CSMD1: variants seen among roughly 807,000 people sequenced by gnomAD.
The protein encoded by CSMD1 is CUB and Sushi multiple domains 1.
Under a neutral mutation model 417.5 loss-of-function variants are expected in CSMD1, and 213 were observed. That is an observed-to-expected ratio of 0.51 (90% confidence interval 0.46 to 0.57). The LOEUF (loss-of-function observed/expected upper bound fraction) is 0.57, where lower values mean the gene tolerates loss of function less well. Ranked by LOEUF, CSMD1 falls within the 20% of genes least tolerant of loss-of-function variation. The probability of loss-of-function intolerance (pLI) is 0.00; values close to 1 mark genes in which losing one functional copy is unlikely to be tolerated. For synonymous variants in CSMD1, 2,862 were observed against 1,736.8 expected (o/e 1.65, Z -16.11); for missense variants, 6,923 against 4,529.7 (o/e 1.53, Z -15.17).
intron 5 of CSMD1, among the ~76,000 whole-genome samples, chr8:3,801,511 T>A (rs1377735676): frequency 6.6e-6 from 1 of 152,160 alleles, no homozygotes; most frequent in African/African-American, 2.4e-5. Context: ...AACCCTCTCG[T>A]GTTGCTTGTC....
At chr8:4,283,249 G>C (rs1350170888) in intron 3 of CSMD1, among the ~76,000 whole-genome samples, 2 of 152,132 alleles carry the variant, frequency 1.3e-5, no homozygotes, top group Non-Finnish European at 1.5e-5. Flanking sequence ...TTTGCAAACA[G>C]TTTAGATGAA....
intron 3 of CSMD1, among the ~76,000 whole-genome samples, chr8:4,208,496 G>C (rs1800112599): frequency 6.6e-6 from 1 of 152,088 alleles, no homozygotes; most frequent in South Asian, 2.1e-4. Flanking sequence ...GCGTTCTGTA[G>C]TTTATTAATC....
chr8:3,302,786 G>C (rs1378862176), intron 25 of CSMD1, among the ~76,000 whole-genome samples: 1 of 152,180 alleles, frequency 6.6e-6, no homozygotes, highest in South Asian at 2.1e-4. Context: ...CTTTCTCACA[G>C]TTTATGTACC....
chr8:4,920,234 C>T (rs938750708), intron 1 of CSMD1, among the ~76,000 whole-genome samples: 1 of 152,148 alleles, frequency 6.6e-6, no homozygotes, highest in African/African-American at 2.4e-5. Context: ...CCCAAATCTA[C>T]TCAGACTTAT....
chr8:4,680,912 C>A (rs1157168738), intron 1 of CSMD1, among the ~76,000 whole-genome samples: 1 of 150,542 alleles, frequency 6.6e-6, no homozygotes, highest in African/African-American at 2.4e-5. Flanking sequence ...ATGATAAGCA[C>A]ACACACACAC....
chr8:4,795,252 C>CTTGTTTTTTTTT (rs1797912773), intron 1 of CSMD1, among the ~76,000 whole-genome samples: 1 of 46,226 alleles, frequency 2.2e-5, no homozygotes, highest in Non-Finnish European at 4.2e-5. Flanking sequence ...GGTGTCATAG[C>CTTGTTTTTTTTT]TTTTTTTTTT....
intron 7 of CSMD1, among the ~76,000 whole-genome samples, chr8:3,624,124 C>G (rs1796385924): frequency 6.6e-6 from 1 of 152,072 alleles, no homozygotes; most frequent in South Asian, 2.1e-4. Context: ...GCCTTCCTTT[C>G]ATAAAATTTA....
chr8:3,013,209 TG>T (rs1808538778), intron 52 of CSMD1, among the ~76,000 whole-genome samples: 1 of 152,218 alleles, frequency 6.6e-6, no homozygotes, highest in African/African-American at 2.4e-5. Context: ...GCATCAACCC[TG>T]GGCCTTGTCT....
At chr8:4,735,069 C>G (rs1166356350) in intron 1 of CSMD1, among the ~76,000 whole-genome samples, 1 of 152,214 alleles carries the variant, frequency 6.6e-6, no homozygotes, top group African/African-American at 2.4e-5. Context: ...AAGCAAATTG[C>G]TGCTCGTTAA....
intron 5 of CSMD1, among the ~76,000 whole-genome samples, chr8:3,811,514 G>A (rs553125338): frequency 6.6e-6 from 1 of 152,068 alleles, no homozygotes; most frequent in Non-Finnish European, 1.5e-5. Context: ...TAGCAGAGTT[G>A]TTCCCTGGTG....
At chr8:4,562,547 T>C (rs1798393375) in intron 2 of CSMD1, among the ~76,000 whole-genome samples, 2 of 152,170 alleles carry the variant, frequency 1.3e-5, no homozygotes, top group South Asian at 2.1e-4. Flanking sequence ...TAAATAAGTA[T>C]ACATGAAATG....
At position 4,764,286 on chromosome 8, in the gene CSMD1, G is replaced by T. The variant is rs79951196; in HGVS notation, c.86-126728C>A. On this transcript the variant is annotated intron_variant, in intron 1 of 69. Coordinates refer to ENST00000635120, the MANE Select transcript of CSMD1 (RefSeq NM_033225.6). The stretch of plus-strand genomic sequence containing the variant: ...TCTCTATAATATTGGGGGTAGAGGT[G>T]AGACTATCTTTTTGAAAACATATAG... Among the ~76,000 whole-genome samples the T allele has an allele frequency of 7.9e-5, 12 of 152,280 alleles. No individual in the cohort carries two copies. In the East Asian group the frequency reaches 2.1e-3, roughly 27 times the overall value.
At chr8:4,417,970 C>G (rs558966331) in intron 3 of CSMD1, among the ~76,000 whole-genome samples, 2 of 151,908 alleles carry the variant, frequency 1.3e-5, no homozygotes, top group Non-Finnish European at 2.9e-5. Context: ...ATTATCTTAC[C>G]TTACTCTTCC....
intron 3 of CSMD1, among the ~76,000 whole-genome samples, chr8:4,301,586 T>A (rs1797984119): frequency 6.6e-6 from 1 of 152,210 alleles, no homozygotes; most frequent in African/African-American, 2.4e-5. Context: ...TTATTATTTT[T>A]TTGTCAAGAT....
At chr8:3,023,660 A>G (rs17079101) in intron 51 of CSMD1, among the ~76,000 whole-genome samples, 7,503 of 152,148 alleles carry the variant, frequency 0.049, 189 homozygotes, top group East Asian at 0.072. Context: ...AAAAGTGGTA[A>G]ATTTCTCAGC....
intron 3 of CSMD1, among the ~76,000 whole-genome samples, chr8:4,202,514 T>C (rs142261526): frequency 2.0e-5 from 3 of 152,346 alleles, no homozygotes; most frequent in Non-Finnish European, 2.9e-5. Context: ...TGCACTTTTA[T>C]ACTTAAAAAT....
chr8:4,669,372 G>C (rs935215816), intron 1 of CSMD1, among the ~76,000 whole-genome samples: 1 of 152,186 alleles, frequency 6.6e-6, no homozygotes, highest in Non-Finnish European at 1.5e-5. Flanking sequence ...TTCTCGATGA[G>C]ATTTTTGGTA....
chr8:3,383,750 C>T (rs1810789471), intron 18 of CSMD1, among the ~76,000 whole-genome samples: 1 of 151,522 alleles, frequency 6.6e-6, no homozygotes, highest in Admixed American at 6.6e-5. Context: ...GAAATGGAAG[C>T]AAAGAAAGAG....
intron 11 of CSMD1, among the ~76,000 whole-genome samples, chr8:3,474,564 G>C (rs1817299423): frequency 6.6e-6 from 1 of 152,066 alleles, no homozygotes; most frequent in Non-Finnish European, 1.5e-5. Context: ...TTTAATATTA[G>C]GAGTGTTTTG....
Sources: allele counts gnomAD v4.1 joint callset (sites outside exome capture counted in the v4.1 genomes callset), GRCh38; gene constraint gnomAD v4.1.1; transcripts MANE v1.5; gene names NCBI Gene and HGNC (gene_info 2026-07-23, HGNC 2026-07-21).